AMOT: variants seen among roughly 807,000 people sequenced by gnomAD.
AMOT encodes angiomotin.
In AMOT, 11 loss-of-function variants were observed where a neutral mutation model predicts 67.0. The ratio of observed to expected loss-of-function variants is 0.16; its 90% CI spans 0.10 to 0.27. AMOT has a LOEUF of 0.27. AMOT is among the 10% of genes least tolerant of loss of function. AMOT has a pLI of 1.00. For missense variants in AMOT, 753 were observed against 852.0 expected (o/e 0.88, Z 1.45); for synonymous variants, 326 against 321.4 (o/e 1.01, Z -0.15).
At chrX:112,780,191 A>G (rs1335111825) in intron 12 of AMOT, among the ~76,000 whole-genome samples, 3 of 112,245 alleles carry the variant, frequency 2.7e-5, no homozygotes. Context: ...TCTCACCATG[A>G]CCATAGTCCC....
intron 12 of AMOT, 62 bp downstream of exon 12, chrX:112,780,824 G>T: frequency 9.2e-7 from 1 of 1,086,225 alleles, no homozygotes; most frequent in Non-Finnish European, 1.3e-6. Flanking sequence ...TTAAGCATGG[G>T]TGCTTATCTC....
chrX:112,804,916 C>CCCCCCGCCA, intron 8 of AMOT, 31 bp downstream of exon 8: 1 of 1,190,661 alleles, frequency 8.4e-7, no homozygotes, highest in Non-Finnish European at 1.1e-6. Context: ...CTCCCACCCC[C>CCCCCCGCCA]AGGCTCATAT....
intron 8 of AMOT, among the ~76,000 whole-genome samples, chrX:112,795,143 T>C (rs1210528775): frequency 9.0e-6 from 1 of 111,302 alleles, no homozygotes; most frequent in Non-Finnish European, 1.9e-5. Context: ...AGAAATATTT[T>C]ACCTAATATA....
rs1331313031 is a variant in AMOT, at chrX:112,796,671, C to A, written c.1777-4690G>T. On this transcript the variant is annotated intron_variant, in intron 8 of 13. Transcript: ENST00000371959. The stretch of plus-strand genomic sequence containing the variant: ...TCTTTAGATCCACTTTCTCCCTAAC[C>A]CTACCCTGACTCCCGCCTCCTACAG... 1.2e-4 allele frequency among the ~76,000 whole-genome samples: 13 copies of A among 111,926 alleles called. No individual in the cohort carries two copies. The Admixed American group carries it at 1.2e-3, about 11-fold the overall frequency.
At position 112,822,803 on chromosome X, in the gene AMOT, G is replaced by A; in HGVS notation, c.324C>T (p.Thr108=). 8.6e-7 allele frequency: 1 copy of A among 1,167,324 alleles called. No individual in the cohort carries two copies. Among genetic ancestry groups the A allele is most frequent in the Non-Finnish European group, 1.1e-6 (1 of 872,988 alleles). ...PRMQNNEELP[T]YEEAKVQSQY... ...GGGACTGGACCTTGGCTTCTTCATA[G>A]GTCGGGAGTTCTTCATTATTTTGCA... The change falls in exon 4 of 14, where the codon ACC becomes ACT. Residue 108 remains threonine (T), a synonymous_variant. Coordinates refer to ENST00000371959, the MANE Select transcript of AMOT (RefSeq NM_001113490.2).
rs188395614 is a variant in AMOT, at chrX:112,779,287, G to C, written c.2867C>G (p.Ala956Gly). Residue 956 changes from alanine to glycine, a missense_variant, in exon 13 of 14, where the codon GCT becomes GGT. Coordinates refer to ENST00000371959, the MANE Select transcript of AMOT (RefSeq NM_001113490.2). The stretch of plus-strand genomic sequence containing the variant: ...AGCAGCAGAAGGAGCAACGGCAGCA[G>C]CTGAGGCAACAGAGGCAGCAGCTGG... ...QIPAAASVAS[A>G]AAVAPSAAAA... 1.5e-6 allele frequency: 1 copy of C among 664,518 alleles called. No individual in the cohort carries two copies. The highest frequency in any genetic ancestry group is 2.1e-5 in the African/African-American group (1 of 46,562). The allele number at this position is 664,518 out of a possible 1,213,427, so 54.8% of individuals were successfully genotyped here. A position where few individuals can be genotyped will look rare whatever the true frequency, so the allele number is the denominator to read the frequency against.
intron 10 of AMOT, among the ~76,000 whole-genome samples, chrX:112,789,932 A>G (rs937045559): frequency 9.3e-6 from 1 of 107,777 alleles, no homozygotes; most frequent in African/African-American, 3.4e-5. Flanking sequence ...CACATGAGGT[A>G]AGAGCAACTA....
chrX:112,806,274 T>TAAAATTAAA (rs1217615164), intron 7 of AMOT, among the ~76,000 whole-genome samples: 1 of 105,784 alleles, frequency 9.5e-6, no homozygotes, highest in Admixed American at 1.0e-4. Context: ...TCAAAAAAAT[T>TAAAATTAAA]AAAATTAAAA....
chrX:112,840,080 T>G lies in AMOT; in HGVS notation c.-289+372A>C, dbSNP rs72619754. On this transcript the variant is annotated intron_variant, in intron 1 of 13. Transcript: ENST00000371959. The stretch of plus-strand genomic sequence containing the variant: ...CTTAGCAGAAACCTATCTAGTTATC[T>G]GAGATAAGCACTGACATGCATGCTG... Among the ~76,000 whole-genome samples, 74 of 111,664 alleles carry G rather than the reference T, an allele frequency of 6.6e-4. 2 individuals are homozygous for G. The East Asian group carries it at 0.019, about 28-fold the overall frequency.
rs763735812 is a variant in AMOT at position 112,832,259 on chromosome X, A to G, written c.-212+35T>C. 6 of 111,899 alleles carry G rather than the reference A, an allele frequency of 5.4e-5. No individual in the cohort carries two copies. In the South Asian group the frequency reaches 2.3e-3, roughly 43 times the overall value. 9.2% of individuals were successfully genotyped at this position (111,899 alleles called of 1,213,427 possible). ...CAGCAGGAGAAGAAAACAAAGAAAG[A>G]CATGGAATAACAATAATAATAATGT... On this transcript the variant is annotated intron_variant, in intron 2 of 13. Coordinates refer to ENST00000371959, the MANE Select transcript of AMOT (RefSeq NM_001113490.2).
chrX:112,797,898 G>GAGAAAGAA (rs546026722), intron 8 of AMOT, among the ~76,000 whole-genome samples: 4,966 of 109,487 alleles, frequency 0.045, 96 homozygotes, highest in Middle Eastern at 0.076. Flanking sequence ...GAGAGAAAGA[G>GAGAAAGAA]AGAAAGAAAG....
intron 2 of AMOT, among the ~76,000 whole-genome samples, chrX:112,828,391 G>A (rs1229217689): frequency 9.7e-6 from 1 of 103,114 alleles, no homozygotes; most frequent in Non-Finnish European, 2.0e-5. Flanking sequence ...ATACTAGATA[G>A]GGTTGTTATA....
chrX:112,832,966 G>A (rs761335453), intron 1 of AMOT, among the ~76,000 whole-genome samples: 1 of 112,176 alleles, frequency 8.9e-6, no homozygotes, highest in East Asian at 2.8e-4. Context: ...TGCCTTGCAA[G>A]CACAGGGAAC....
Position 112,813,935 on chromosome X carries a change from G to C in AMOT, c.1392+1423C>G, listed in dbSNP as rs930661853. 1.7e-4 allele frequency among the ~76,000 whole-genome samples: 19 copies of C among 112,237 alleles called. 1 individual carries two copies. On this transcript the variant is annotated intron_variant, in intron 5 of 13. Transcript: ENST00000371959. ...AGAGCACTCCAACAACCCTCATCCA[G>C]ATTTAGGAAAACTAAGGGACAGGGA... is the stretch of plus-strand genomic sequence containing the variant.
At chrX:112,807,777 T>C (rs778275733) in intron 7 of AMOT, among the ~76,000 whole-genome samples, 25 of 112,287 alleles carry the variant, frequency 2.2e-4, no homozygotes, top group African/African-American at 7.8e-4. Context: ...CAGATGATGA[T>C]CATCATCACC....
chrX:112,825,501 C>T (rs189132363), intron 2 of AMOT, among the ~76,000 whole-genome samples: 170 of 111,774 alleles, frequency 1.5e-3, no homozygotes, highest in African/African-American at 5.1e-3. Flanking sequence ...AAAGCTACCA[C>T]TTCCATTCCA....
chrX:112,786,733 C>A (rs1933372881), intron 10 of AMOT, among the ~76,000 whole-genome samples: 1 of 112,359 alleles, frequency 8.9e-6, no homozygotes, highest in Admixed American at 9.4e-5. Context: ...GACAAAAATA[C>A]AGATTTAAAT....
intron 8 of AMOT, among the ~76,000 whole-genome samples, chrX:112,795,692 G>A (rs1404623918): frequency 9.0e-6 from 1 of 111,312 alleles, no homozygotes; most frequent in African/African-American, 3.3e-5. Context: ...GTGTTTGGTG[G>A]AGGTGCTTGA....
At chrX:112,838,507 T>A (rs1935188008) in intron 1 of AMOT, among the ~76,000 whole-genome samples, 1 of 111,999 alleles carries the variant, frequency 8.9e-6, no homozygotes, top group Admixed American at 9.4e-5. Context: ...CTGATTAGGC[T>A]ATTCTTAAAG....
Sources: gnomAD v4.1 joint callset for allele counts (sites outside exome capture counted in the v4.1 genomes callset) on GRCh38, gnomAD v4.1.1 for gene constraint, MANE v1.5 for transcripts, NCBI Gene and HGNC (gene_info 2026-07-23, HGNC 2026-07-21) for gene names.